Variants in LRBA observed in about 807,000 individuals in gnomAD.
LRBA encodes LPS responsive beige-like anchor protein, also known as lipopolysaccharide-responsive and beige-like anchor protein.
A neutral mutation model predicts 330.0 loss-of-function variants in LRBA; 176 were observed. The observed-to-expected ratio is 0.53, with a 90% CI of 0.47 to 0.60. The LOEUF is 0.60. Ranked by LOEUF, LRBA falls within the 20% of genes least tolerant of loss-of-function variation. LRBA has a pLI of 0.00. For synonymous variants in LRBA, 1,230 were observed against 1,193.0 expected, an observed-to-expected ratio of 1.03 and a Z score of -0.64; for missense variants, 3,259 against 3,444.8, an observed-to-expected ratio of 0.95 and a Z score of 1.35.
chr4:150,485,221 AG>A (rs1170350403), intron 42 of LRBA, among the ~76,000 whole-genome samples: 1 of 151,944 alleles, frequency 6.6e-6, no homozygotes, highest in Non-Finnish European at 1.5e-5. Context: ...TAACAGGGAG[AG>A]GCTGTCTATA....
chr4:150,856,371 T>C (rs943679758), intron 22 of LRBA, among the ~76,000 whole-genome samples: 4 of 152,184 alleles, frequency 2.6e-5, no homozygotes, highest in African/African-American at 7.2e-5. Flanking sequence ...CTCTCTTCTA[T>C]GTTGTCTCTT....
At chr4:150,896,160 C>T (rs1471080013) in intron 16 of LRBA, among the ~76,000 whole-genome samples, 1 of 151,974 alleles carries the variant, frequency 6.6e-6, no homozygotes, top group Non-Finnish European at 1.5e-5. Context: ...ATTATTAATT[C>T]AATGAAATCT....
intron 47 of LRBA, among the ~76,000 whole-genome samples, chr4:150,404,779 T>A (rs1051760220): frequency 1.3e-5 from 2 of 152,218 alleles, no homozygotes; most frequent in African/African-American, 4.8e-5. Flanking sequence ...TAGAAAATCA[T>A]AGAAGTTACT....
rs1039694940 is a variant in LRBA at position 150,434,755 on chromosome 4, G to A, written c.7041+834C>T. 8.6e-5 allele frequency among the ~76,000 whole-genome samples: 13 copies of A among 152,046 alleles called. No homozygotes were observed. In the South Asian group the frequency reaches 1.0e-3, roughly 12 times the overall value. ...GGTCCCAGCTACTCAGGAGGCTGAGGCAGGAGGATCACTTGAGCCTGGAAG... is the reference window on the plus strand; with the variant it reads ...GGTCCCAGCTACTCAGGAGGCTGAGACAGGAGGATCACTTGAGCCTGGAAG... On this transcript the variant is annotated intron_variant, in intron 46 of 56. Transcript: ENST00000651943.
chr4:150,335,583 C>A lies in LRBA; in HGVS notation c.7363-9685G>T, dbSNP rs116722480. Among the ~76,000 whole-genome samples, 1,341 of 150,230 alleles carry A rather than the reference C, an allele frequency of 8.9e-3. 7 individuals are homozygous for A. Among genetic ancestry groups the A allele is most frequent in the Non-Finnish European group, 0.015 (1,022 of 67,688 alleles). The stretch of plus-strand genomic sequence containing the variant: ...ATATGTATATATAAAGCACTTAGAA[C>A]AGTTCATGGCACATACTAAGCTATC... On this transcript the variant is annotated intron_variant, in intron 48 of 56. Coordinates refer to ENST00000651943, the MANE Select transcript of LRBA (RefSeq NM_001364905.1).
At chr4:150,285,696 C>T (rs1309667716) in intron 54 of LRBA, among the ~76,000 whole-genome samples, 1 of 152,184 alleles carries the variant, frequency 6.6e-6, no homozygotes, top group Non-Finnish European at 1.5e-5. Flanking sequence ...CTGTGCTGTC[C>T]AATGTAGTGG....
At chr4:150,629,998 AT>A (rs1456589145) in intron 37 of LRBA, among the ~76,000 whole-genome samples, 26 of 152,108 alleles carry the variant, frequency 1.7e-4, no homozygotes, top group Admixed American at 1.4e-3. Flanking sequence ...ACAAAAACAT[AT>A]TGCAAACCCA....
intron 40 of LRBA, among the ~76,000 whole-genome samples, chr4:150,551,496 T>G (rs188183642): frequency 6.6e-6 from 1 of 151,860 alleles, no homozygotes; most frequent in Admixed American, 6.6e-5. Context: ...CTGGGCAACA[T>G]AGTGAAATCC....
At chr4:150,802,656 GA>G (rs1741836733) in intron 33 of LRBA, among the ~76,000 whole-genome samples, 1 of 152,058 alleles carries the variant, frequency 6.6e-6, no homozygotes, top group Non-Finnish European at 1.5e-5. Flanking sequence ...GGCTACAGGT[GA>G]TTCCAGGCAT....
intron 2 of LRBA, among the ~76,000 whole-genome samples, chr4:151,008,342 A>C (rs1744366377): frequency 6.6e-6 from 1 of 151,992 alleles, no homozygotes; most frequent in Non-Finnish European, 1.5e-5. Context: ...CAGCCTCTCA[A>C]AGTGCTGTGA....
At chr4:150,439,028 G>C (rs1751490899) in intron 44 of LRBA, among the ~76,000 whole-genome samples, 1 of 152,140 alleles carries the variant, frequency 6.6e-6, no homozygotes, top group Non-Finnish European at 1.5e-5. Context: ...GAATGGAGCT[G>C]ACTCCAAGGA....
chr4:150,868,143 TTTGA>T (rs776855812), intron 21 of LRBA, 35 bp downstream of exon 21: 2 of 1,572,076 alleles, frequency 1.3e-6, no homozygotes, highest in African/African-American at 2.7e-5. Flanking sequence ...CAAAAGTACA[TTTGA>T]ATACTGCAAA....
intron 4 of LRBA, among the ~76,000 whole-genome samples, chr4:150,922,866 A>G (rs893597173): frequency 2.0e-5 from 3 of 152,210 alleles, no homozygotes; most frequent in African/African-American, 7.2e-5. Context: ...TGGTATTATT[A>G]TGATTATCCG....
At chr4:150,647,420 A>G (rs1561467438) in intron 37 of LRBA, among the ~76,000 whole-genome samples, 1 of 123,406 alleles carries the variant, frequency 8.1e-6, no homozygotes, top group African/African-American at 3.0e-5. Flanking sequence ...TGTGCAAGGC[A>G]TAATTATTGC....
intron 44 of LRBA, among the ~76,000 whole-genome samples, chr4:150,463,538 G>GC (rs201882143): frequency 0.022 from 3,311 of 151,828 alleles, 123 homozygotes; most frequent in African/African-American, 0.075. Context: ...TTGTTTTGCA[G>GC]CCCCCCCTTT....
In LRBA at chr4:151,014,678, C is replaced by A; in HGVS notation, c.-36G>T. The A allele has an allele frequency of 2.1e-6, 3 of 1,457,496 alleles. No homozygotes were observed. Among genetic ancestry groups the A allele is most frequent in the Non-Finnish European group, 2.8e-6 (3 of 1,063,332 alleles). The allele number at this position is 1,457,496 out of a possible 1,614,324, so 90.3% of individuals were successfully genotyped here. ...CGATAAAGGACAACTCAGAGTCACC[C>A]TGGGACGGCAGTCGCTGCACTGGTA... On this transcript the variant is annotated 5_prime_UTR_variant, in exon 2 of 57. It adds an upstream start codon to the 5' untranslated region. Transcript: ENST00000651943.
intron 44 of LRBA, among the ~76,000 whole-genome samples, chr4:150,448,575 G>A (rs2152024219): frequency 6.6e-6 from 1 of 152,230 alleles, no homozygotes; most frequent in East Asian, 1.9e-4. Context: ...GCCGAGGCAG[G>A]TGGATCACTG....
intron 33 of LRBA, among the ~76,000 whole-genome samples, chr4:150,799,241 G>A (rs1560832102): frequency 6.6e-6 from 1 of 152,166 alleles, no homozygotes; most frequent in Non-Finnish European, 1.5e-5. Context: ...AGAAATGATG[G>A]TAACAGTGTC....
At chr4:150,656,935 T>C (rs904314729) in intron 37 of LRBA, among the ~76,000 whole-genome samples, 3 of 152,190 alleles carry the variant, frequency 2.0e-5, no homozygotes, top group Non-Finnish European at 4.4e-5. Context: ...TTAGACTAGG[T>C]TAAACATATA....
Sources: allele counts gnomAD v4.1 joint callset (sites outside exome capture counted in the v4.1 genomes callset), GRCh38; gene constraint gnomAD v4.1.1; transcripts MANE v1.5; gene names NCBI Gene and HGNC (gene_info 2026-07-23, HGNC 2026-07-21).